Variants in MUC3A observed in about 807,000 individuals in gnomAD.
MUC3A encodes mucin 3A, cell surface associated.
Under a neutral mutation model 109.0 loss-of-function variants are expected in MUC3A, and 109 were observed. That is an observed-to-expected ratio of 1.00 (90% CI 0.86 to 1.17). MUC3A has a LOEUF of 1.17. Ranked by LOEUF, MUC3A falls within the 50% of genes most tolerant of loss-of-function variation. The pLI, the probability that MUC3A is intolerant of heterozygous loss-of-function variation, is 0.00. For synonymous variants in MUC3A, 1,398 were observed against 981.4 expected (o/e 1.42, Z -7.93); for missense variants, 3,537 against 2,469.4 (o/e 1.43, Z -9.16).
In MUC3A at chr7:100,958,820, C is replaced by A. The variant is rs1584804299; in HGVS notation, c.7041C>A (p.Thr2347=). Residue 2347 remains threonine, a synonymous_variant, in exon 2 of 12, where the codon ACC becomes ACA. Coordinates refer to ENST00000379458, the MANE Select transcript of MUC3A (RefSeq NM_005960.2). The part of the protein sequence containing the change: ...NTRSFTSSIT[T]TETNSHSTTS... ...GCAGCTTCACTTCTTCGATCACCAC[C>A]ACCGAGACCAACTCTCACAGTACTA... is the stretch of plus-strand genomic sequence containing the variant. 1 of 1,531,824 alleles carries A rather than the reference C, an allele frequency of 6.5e-7. No homozygotes were observed. Among genetic ancestry groups the A allele is most frequent in the Non-Finnish European group, 8.8e-7 (1 of 1,132,270 alleles). 94.9% of individuals were successfully genotyped at this position (1,531,824 alleles called of 1,614,324 possible). A position where few individuals can be genotyped will look rare whatever the true frequency, so the allele number is the denominator to read the frequency against.
At chr7:100,964,896 C>G (rs1352882247) in intron 6 of MUC3A, 53 bp downstream of exon 6, 2 of 1,544,976 alleles carry the variant, frequency 1.3e-6, no homozygotes, top group Admixed American at 3.8e-5. Context: ...CCCCAGCCCA[C>G]TCCAGCTCAG....
rs1430067770 is a variant in MUC3A at position 100,955,412 on chromosome 7, C to A, written c.3633C>A (p.Thr1211=). Residue 1211 remains threonine (T), a synonymous_variant, in exon 2 of 12, where the codon ACC becomes ACA. Transcript: ENST00000379458. ...TCACCTACCCTTCTGTGGGCTCTACCGGTTTCCTGACTACAGCAACAGACC... is the reference window on the plus strand; with the variant it reads ...TCACCTACCCTTCTGTGGGCTCTACAGGTTTCCTGACTACAGCAACAGACC... The part of the protein sequence containing the change: ...TTITYPSVGS[T]GFLTTATDLT... The A allele has an allele frequency of 4.0e-6, 1 of 251,132 alleles. No homozygotes were observed. Among genetic ancestry groups the A allele is most frequent in the Non-Finnish European group, 7.9e-6 (1 of 126,152 alleles). 15.6% of individuals were successfully genotyped at this position (251,132 alleles called of 1,614,324 possible).
intron 8 of MUC3A, 106 bp from the exon 9 acceptor site, chr7:100,966,280 C>T (rs1792551037): frequency 2.2e-6 from 2 of 896,662 alleles, no homozygotes; most frequent in Non-Finnish European, 2.7e-6. Flanking sequence ...CCCCCCGCTG[C>T]CCTAGGCTGG....
intron 10 of MUC3A, 45 bp from the exon 11 acceptor site, chr7:100,966,854 C>T (rs758047147): frequency 2.5e-6 from 4 of 1,598,418 alleles, no homozygotes; most frequent in African/African-American, 2.7e-5. Flanking sequence ...TCCCTTCCGT[C>T]CCCTCCCTCT....
rs888899850 is a variant in MUC3A at position 100,957,602 on chromosome 7, C to T, written c.5823C>T (p.Phe1941=). The T allele has an allele frequency of 1.1e-3, 1,615 of 1,520,398 alleles. 32 individuals carry two copies. The South Asian group carries it at 0.018, about 17-fold the overall frequency. 94.2% of individuals were successfully genotyped at this position (1,520,398 alleles called of 1,614,324 possible). A position where few individuals can be genotyped will look rare whatever the true frequency, so the allele number is the denominator to read the frequency against. The change falls in exon 2 of 12, where the codon TTC becomes TTT. Residue 1941 remains phenylalanine (F), a synonymous_variant. Transcript: ENST00000379458. ...TETPSHSTPR[F]TSSITNTKTT... ...CCCCCTCACACAGTACTCCCAGATT[C>T]ACTTCTTCAATCACCAATACCAAGA...
chr7:100,960,423 C>CAG lies in MUC3A; in HGVS notation c.8644_8645insAG (p.Pro2882GlnfsTer13), dbSNP rs763148710. On this transcript the variant is annotated frameshift_variant, in exon 2 of 12. Coordinates refer to ENST00000379458, the MANE Select transcript of MUC3A (RefSeq NM_005960.2). LOFTEE classifies it high-confidence loss of function. ...GAGCAACAGTTCTGTGATCCCCCTA[C>CAG]CTCTTCCTGGCGTCTCTACCATCCC... The CAG allele has an allele frequency of 6.3e-7, 1 of 1,598,526 alleles. No homozygotes were observed. The highest frequency in any genetic ancestry group is 2.2e-5 in the East Asian group (1 of 44,892).
intron 7 of MUC3A, 177 bp downstream of exon 7, chr7:100,965,524 A>T (rs1792502555): frequency 7.1e-7 from 1 of 1,417,362 alleles, no homozygotes; most frequent in Admixed American, 2.1e-5. Flanking sequence ...AGCAGGGGCC[A>T]CGAGGAGAGG....
Position 100,959,268 on chromosome 7 carries a change from G to C in MUC3A, c.7489G>C (p.Val2497Leu). 1 of 1,413,602 alleles carries C rather than the reference G, an allele frequency of 7.1e-7. No individual in the cohort carries two copies. Among genetic ancestry groups the C allele is most frequent in the Non-Finnish European group, 9.6e-7 (1 of 1,041,658 alleles). 87.6% of individuals were successfully genotyped at this position (1,413,602 alleles called of 1,614,324 possible). A position where few individuals can be genotyped will look rare whatever the true frequency, so the allele number is the denominator to read the frequency against. ...TSLRTLTPSS[V>L]GTSTSLTTTT... ...CCTACGAACTCTCACCCCTTCGTCTGTGGGCACCAGCACTTCATTGACTAC... is the reference window on the plus strand; with the variant it reads ...CCTACGAACTCTCACCCCTTCGTCTCTGGGCACCAGCACTTCATTGACTAC... Residue 2497 changes from valine (V) to leucine (L), a missense_variant, in exon 2 of 12, where the codon GTG (valine) becomes CTG (leucine). By Grantham distance (32) the Val-to-Leu change is conservative. Coordinates refer to ENST00000379458, the MANE Select transcript of MUC3A (RefSeq NM_005960.2).
rs766228010 is a variant in MUC3A, at chr7:100,960,081, C to A, written c.8302C>A (p.Pro2768Thr). ...TTATATTTCCCTTCCCTCCACCACA[C>A]CCTGTCCAGGAACTATAACAATTAC... ...FSYISLPSTTPCPGTITITIV... is the reference protein window; with the variant it reads ...FSYISLPSTTTCPGTITITIV... The change falls in exon 2 of 12, where the codon CCC becomes ACC. Residue 2768 changes from proline to threonine, a missense_variant. By Grantham distance (38) the Pro-to-Thr change is conservative. Transcript: ENST00000379458. 7.9e-6 allele frequency: 12 copies of A among 1,517,340 alleles called. No individual in the cohort carries two copies. Among genetic ancestry groups the A allele is most frequent in the Admixed American group, 2.1e-5 (1 of 47,112 alleles). The allele number at this position is 1,517,340 out of a possible 1,614,324, so 94.0% of individuals were successfully genotyped here.
chr7:100,964,452 T>A (rs1400906825), intron 5 of MUC3A: 2 of 584,368 alleles, frequency 3.4e-6, no homozygotes, highest in East Asian at 6.3e-5. Context: ...AGCAAGACTT[T>A]GTCTCTATAA....
chr7:100,967,358 G>T lies in MUC3A; in HGVS notation c.*196G>T, dbSNP rs1431503560. 1.2e-6 allele frequency: 1 copy of T among 823,632 alleles called. No individual in the cohort carries two copies. Among genetic ancestry groups the T allele is most frequent in the Non-Finnish European group, 1.9e-6 (1 of 534,768 alleles). 51.0% of individuals were successfully genotyped at this position (823,632 alleles called of 1,614,324 possible). A position where few individuals can be genotyped will look rare whatever the true frequency, so the allele number is the denominator to read the frequency against. On this transcript the variant is annotated 3_prime_UTR_variant, in exon 12 of 12. Coordinates refer to ENST00000379458, the MANE Select transcript of MUC3A (RefSeq NM_005960.2). Reference sequence around the variant, plus strand: ...AAACCCACCTGGAGACGCAGTTCACGTCCAGGCTCTTCCACTGTGGAATCT... The same window carrying T: ...AAACCCACCTGGAGACGCAGTTCACTTCCAGGCTCTTCCACTGTGGAATCT...
chr7:100,955,207 C>A lies in MUC3A; in HGVS notation c.3428C>A (p.Thr1143Asn). The A allele has an allele frequency of 1.6e-6, 1 of 634,952 alleles. No individual in the cohort carries two copies. Among genetic ancestry groups the A allele is most frequent in the Non-Finnish European group, 2.8e-6 (1 of 357,928 alleles). The allele number at this position is 634,952 out of a possible 1,614,324, so 39.3% of individuals were successfully genotyped here. A position where few individuals can be genotyped will look rare whatever the true frequency, so the allele number is the denominator to read the frequency against. Reference protein sequence around the residue: ...MTPTTTLITTTPNTTSLSTPS... With the variant: ...MTPTTTLITTNPNTTSLSTPS... Reference sequence around the variant, plus strand: ...CCTACCACAACCTTGATAACCACCACCCCTAATACCACCTCCCTTAGTACC... The same window carrying A: ...CCTACCACAACCTTGATAACCACCAACCCTAATACCACCTCCCTTAGTACC... The change falls in exon 2 of 12, where the codon ACC becomes AAC. Residue 1143 changes from threonine (T) to asparagine (N), a missense_variant. Thr to Asn is a moderately conservative substitution (Grantham distance 65, BLOSUM62 0). Transcript: ENST00000379458.
Position 100,960,470 on chromosome 7 carries a change from T to C in MUC3A, c.8691T>C (p.Ser2897=), listed in dbSNP as rs1204196679. The C allele has an allele frequency of 6.3e-7, 1 of 1,598,656 alleles. No individual in the cohort carries two copies. The highest frequency in any genetic ancestry group is 1.1e-5 in the South Asian group (1 of 91,092). ...TCCCGCTCACCATGAAACCAAGCAG[T>C]AGCCTCCCGACCATCCTGAGGACTT... The part of the protein sequence containing the change: ...STIPLTMKPS[S]SLPTILRTSS... Residue 2897 remains serine, a synonymous_variant, in exon 2 of 12, where the codon AGT becomes AGC. Transcript: ENST00000379458.
Position 100,953,574 on chromosome 7 carries a change from A to T in MUC3A, c.1795A>T (p.Thr599Ser). ...TGCAGCAACTACAGGAACAGGTCAG[A>T]CCACCTTCACCAGCTCTACAGCCAC... Reference protein sequence around the residue: ...TTAATTGTGQTTFTSSTATFP... With the variant: ...TTAATTGTGQSTFTSSTATFP... The change falls in exon 2 of 12, where the codon ACC becomes TCC. Residue 599 changes from threonine to serine, a missense_variant. Coordinates refer to ENST00000379458, the MANE Select transcript of MUC3A (RefSeq NM_005960.2). The T allele has an allele frequency of 4.5e-6, 2 of 439,740 alleles. No individual in the cohort carries two copies. The highest frequency in any genetic ancestry group is 8.0e-6 in the Non-Finnish European group (2 of 251,524). 27.2% of individuals were successfully genotyped at this position (439,740 alleles called of 1,614,324 possible).
In MUC3A at chr7:100,968,223, C is replaced by T. The variant is rs1488492010; in HGVS notation, c.*1061C>T. The T allele has an allele frequency of 6.5e-6, 1 of 152,766 alleles. No homozygotes were observed. The highest frequency in any genetic ancestry group is 1.5e-5 in the Non-Finnish European group (1 of 68,318). 9.5% of individuals were successfully genotyped at this position (152,766 alleles called of 1,614,324 possible). A position where few individuals can be genotyped will look rare whatever the true frequency, so the allele number is the denominator to read the frequency against. ...TTCTCTTCCTGGTGTCACCTGGATT[C>T]CTGCAGTAACTCTGAGCCCTTGAAA... On this transcript the variant is annotated 3_prime_UTR_variant, in exon 12 of 12. Transcript: ENST00000379458.
intron 10 of MUC3A, 32 bp from the exon 11 acceptor site, chr7:100,966,867 C>G: frequency 1.3e-6 from 2 of 1,598,496 alleles, no homozygotes; most frequent in Non-Finnish European, 1.7e-6. Context: ...CTCCCTCTCC[C>G]CTTCTCTTTC....
rs763027741 is a variant in MUC3A, at chr7:100,965,877, G to T, written c.9611+11G>T. 3 of 1,587,402 alleles carry T rather than the reference G, an allele frequency of 1.9e-6. No homozygotes were observed. Among genetic ancestry groups the T allele is most frequent in the Admixed American group, 1.7e-5 (1 of 59,382 alleles). ...CGGTCCCACGTGTCGGTAAGGCCCC[G>T]CTCACCATCGGCATCAGCCGAGCCC... is the stretch of plus-strand genomic sequence containing the variant. On this transcript the variant is annotated intron_variant, in intron 8 of 11. Transcript: ENST00000379458.
At position 100,960,733 on chromosome 7, in the gene MUC3A, T is replaced by G. The variant is rs766309223; in HGVS notation, c.8867-19T>G. ...GTCAGGCTTTATCCTGAGCTTCCCTTTCTTTCTGTGTTTTCCAGGCACCTG... is the reference window on the plus strand; with the variant it reads ...GTCAGGCTTTATCCTGAGCTTCCCTGTCTTTCTGTGTTTTCCAGGCACCTG... On this transcript the variant is annotated intron_variant, in intron 2 of 11. Coordinates refer to ENST00000379458, the MANE Select transcript of MUC3A (RefSeq NM_005960.2). 12 of 1,595,282 alleles carry G rather than the reference T, an allele frequency of 7.5e-6. No individual in the cohort carries two copies. Among genetic ancestry groups the G allele is most frequent in the Admixed American group, 3.4e-5 (2 of 59,394 alleles).
At position 100,952,499 on chromosome 7, in the gene MUC3A, G is replaced by C. The variant is rs532973836; in HGVS notation, c.720G>C (p.Thr240=). The C allele has an allele frequency of 6.3e-7, 1 of 1,598,328 alleles. No homozygotes were observed. The highest frequency in any genetic ancestry group is 8.5e-7 in the Non-Finnish European group (1 of 1,179,738). The change falls in exon 2 of 12, where the codon ACG becomes ACC. Residue 240 remains threonine, a synonymous_variant. Coordinates refer to ENST00000379458, the MANE Select transcript of MUC3A (RefSeq NM_005960.2). The part of the protein sequence containing the change: ...PLPTGSIHTT[T]SPTPVFTTLK... ...CCACTGGAAGCATCCATACAACCACGTCCCCAACCCCAGTATTTACTACTC... is the reference window on the plus strand; with the variant it reads ...CCACTGGAAGCATCCATACAACCACCTCCCCAACCCCAGTATTTACTACTC...
Sources: allele counts gnomAD v4.1 joint callset, GRCh38; gene constraint gnomAD v4.1.1; transcripts MANE v1.5; gene names NCBI Gene and HGNC (gene_info 2026-07-23, HGNC 2026-07-21).